Variants in DLGAP5 observed in about 807,000 individuals in gnomAD.
DLGAP5 encodes the protein disks large-associated protein 5.
In DLGAP5, 90 loss-of-function variants were observed where a neutral mutation model predicts 99.6. The ratio of observed to expected loss-of-function variants is 0.90; its 90% confidence interval spans 0.76 to 1.08. The LOEUF (loss-of-function observed/expected upper bound fraction) is 1.08. Ranked by LOEUF, DLGAP5 falls within the 50% of genes least tolerant of loss-of-function variation. DLGAP5 has a pLI of 0.00. For missense variants in DLGAP5, 1,036 were observed against 983.5 expected (o/e 1.05, Z -0.71); for synonymous variants, 311 against 321.3 (o/e 0.97, Z 0.34).
Position 55,152,606 on chromosome 14 carries a change from A to G in DLGAP5, c.2105T>C (p.Leu702Ser). The G allele has an allele frequency of 1.2e-6, 2 of 1,602,626 alleles. No individual in the cohort carries two copies. Among genetic ancestry groups the G allele is most frequent in the Non-Finnish European group, 1.7e-6 (2 of 1,175,460 alleles). Residue 702 changes from leucine (L) to serine (S), a missense_variant, in exon 16 of 19, where the codon TTA becomes TCA. Leu to Ser is a moderately radical substitution (Grantham distance 145). Transcript: ENST00000247191. ...EDAQCPGLPD[L>S]IEENHVVNKT... ...TGTACTTACATGATTTTCTTCAATT[A>G]AATCTGGTAATCCAGGACACTGAGC...
chr14:55,153,100 C>T (rs1882073859), intron 15 of DLGAP5, among the ~76,000 whole-genome samples: 1 of 152,012 alleles, frequency 6.6e-6, no homozygotes, highest in Admixed American at 6.5e-5. Context: ...ATAATTTTAT[C>T]CGAAAGTTCA....
intron 13 of DLGAP5, among the ~76,000 whole-genome samples, chr14:55,160,551 G>A (rs950944547): frequency 6.6e-6 from 1 of 151,860 alleles, no homozygotes; most frequent in African/African-American, 2.4e-5. Context: ...GGGTTCAAGT[G>A]ATTCTCCTAC....
chr14:55,170,867 T>C (rs1043914680), intron 10 of DLGAP5, 80 bp from the exon 11 acceptor site: 6 of 992,532 alleles, frequency 6.0e-6, no homozygotes, highest in Non-Finnish European at 8.0e-6. Flanking sequence ...TCATGATACA[T>C]AACATTAGGA....
intron 12 of DLGAP5, among the ~76,000 whole-genome samples, chr14:55,164,335 A>T (rs2140312842): frequency 6.6e-6 from 1 of 152,242 alleles, no homozygotes. Context: ...TGTCAAAATG[A>T]CTCAGAATTA....
chr14:55,177,773 G>A (rs1342351258), intron 7 of DLGAP5, among the ~76,000 whole-genome samples: 4 of 151,332 alleles, frequency 2.6e-5, no homozygotes, highest in African/African-American at 9.7e-5. Flanking sequence ...TCCTGACCTC[G>A]TCATCCGCCC....
At chr14:55,175,720 C>T (rs1883037422) in intron 9 of DLGAP5, among the ~76,000 whole-genome samples, 174 bp downstream of exon 9, 1 of 152,030 alleles carries the variant, frequency 6.6e-6, no homozygotes, top group Non-Finnish European at 1.5e-5. Context: ...CATGCTTTCC[C>T]GTCTTTTCTG....
At chr14:55,164,998 A>G (rs1451285337) in intron 12 of DLGAP5, among the ~76,000 whole-genome samples, 1 of 152,078 alleles carries the variant, frequency 6.6e-6, no homozygotes, top group Non-Finnish European at 1.5e-5. Context: ...CATGCCATTA[A>G]GAGGATTAAA....
chr14:55,165,771 A>G (rs1294133454), intron 12 of DLGAP5, among the ~76,000 whole-genome samples: 1 of 152,192 alleles, frequency 6.6e-6, no homozygotes, highest in East Asian at 1.9e-4. Flanking sequence ...AATTATAACA[A>G]TATTCCGTAA....
At chr14:55,152,354 T>C (rs1277827965) in intron 16 of DLGAP5, among the ~76,000 whole-genome samples, 6 of 152,250 alleles carry the variant, frequency 3.9e-5, no homozygotes, top group African/African-American at 1.4e-4. Flanking sequence ...GGGCCAAAGT[T>C]TGCTGATTTC....
intron 10 of DLGAP5, among the ~76,000 whole-genome samples, chr14:55,171,415 A>G (rs572804947): frequency 2.0e-5 from 3 of 152,332 alleles, no homozygotes; most frequent in African/African-American, 4.8e-5. Flanking sequence ...TAAAATGTCA[A>G]TAATGCTAAG....
At chr14:55,148,948 T>C (rs1187439469) in intron 18 of DLGAP5, among the ~76,000 whole-genome samples, 1 of 152,194 alleles carries the variant, frequency 6.6e-6, no homozygotes, top group Non-Finnish European at 1.5e-5. Context: ...AACCATATAA[T>C]AGCACTTAAT....
chr14:55,156,968 T>C (rs1297352769), intron 14 of DLGAP5, among the ~76,000 whole-genome samples: 1 of 152,154 alleles, frequency 6.6e-6, no homozygotes, highest in Non-Finnish European at 1.5e-5. Context: ...GATTAAAAAG[T>C]CTACCAGAAG....
intron 8 of DLGAP5, 22 bp downstream of exon 8, chr14:55,177,037 CTTA>C (rs151302017): frequency 0.082 from 69,231 of 845,438 alleles, 3,471 homozygotes; most frequent in Non-Finnish European, 0.091. Flanking sequence ...TAGCAAGAGA[CTTA>C]TTATTAAGAT....
At chr14:55,150,680 G>T in intron 18 of DLGAP5, 119 bp downstream of exon 18, 1 of 719,296 alleles carries the variant, frequency 1.4e-6, no homozygotes, top group South Asian at 2.4e-5. Flanking sequence ...AATGAAGAGT[G>T]AGTAAGCAAA....
chr14:55,177,541 CTT>C (rs775347897), intron 7 of DLGAP5, among the ~76,000 whole-genome samples: 7 of 144,182 alleles, frequency 4.9e-5, no homozygotes, highest in Admixed American at 6.9e-5. Context: ...GGAATAGAAT[CTT>C]TTTTTTTTTT....
chr14:55,184,555 T>G (rs937604906), intron 2 of DLGAP5, among the ~76,000 whole-genome samples: 1 of 152,212 alleles, frequency 6.6e-6, no homozygotes, highest in Non-Finnish European at 1.5e-5. Flanking sequence ...TAGGGCTGAC[T>G]TGTGTGACCA....
chr14:55,156,099 A>G (rs1228061530), intron 14 of DLGAP5, among the ~76,000 whole-genome samples: 3 of 152,010 alleles, frequency 2.0e-5, no homozygotes, highest in African/African-American at 2.4e-5. Flanking sequence ...TCAAAAAAAA[A>G]AAAGAAAGAA....
intron 14 of DLGAP5, among the ~76,000 whole-genome samples, chr14:55,156,751 G>A (rs939917841): frequency 2.6e-5 from 4 of 152,156 alleles, no homozygotes; most frequent in Non-Finnish European, 5.9e-5. Context: ...AACAAATACT[G>A]TCTATAGTGG....
In DLGAP5 at chr14:55,179,650, A is replaced by G; in HGVS notation, c.753T>C (p.Asn251=). 1.2e-6 allele frequency: 2 copies of G among 1,612,578 alleles called. No individual in the cohort carries two copies. The highest frequency in any genetic ancestry group is 2.2e-5 in the East Asian group (1 of 44,766). The change falls in exon 7 of 19, where the codon AAT becomes AAC. Residue 251 remains asparagine (N), a synonymous_variant. Coordinates refer to ENST00000247191, the MANE Select transcript of DLGAP5 (RefSeq NM_014750.5). The stretch of plus-strand genomic sequence containing the variant: ...CTACCTTGTCGGGTTTTGTTTCTAC[A>G]TTTTTGGCAGGTCTTCCTTTACTTG... ...KVPSKGRPAK[N]VETKPDKGIS...
Sources: gnomAD v4.1 joint callset for allele counts (sites outside exome capture counted in the v4.1 genomes callset) on GRCh38, gnomAD v4.1.1 for gene constraint, MANE v1.5 for transcripts, NCBI Gene and HGNC (gene_info 2026-07-23, HGNC 2026-07-21) for gene names.